NOXRED1: variants seen among roughly 807,000 people sequenced by gnomAD.
NOXRED1 encodes NADP-dependent oxidoreductase domain-containing protein 1.
Under a neutral mutation model 30.4 loss-of-function variants are expected in NOXRED1, and 20 were observed. The ratio of observed to expected loss-of-function variants is 0.66; its 90% CI spans 0.46 to 0.96. NOXRED1 has a LOEUF of 0.96. NOXRED1 is among the 40% of genes least tolerant of loss of function. NOXRED1 has a pLI of 0.00. For synonymous variants in NOXRED1, 155 were observed against 168.0 expected, an observed-to-expected ratio of 0.92 and a Z score of 0.60; for missense variants, 374 against 428.0, an observed-to-expected ratio of 0.87 and a Z score of 1.11.
chr14:77,411,191 G>T (rs1894638584), intron 2 of NOXRED1, among the ~76,000 whole-genome samples: 1 of 152,120 alleles, frequency 6.6e-6, no homozygotes, highest in African/African-American at 2.4e-5. Context: ...TATTTCAGCT[G>T]GGCATGGTGG....
At chr14:77,404,980 A>G (rs528830186) in intron 5 of NOXRED1, among the ~76,000 whole-genome samples, 2 of 152,338 alleles carry the variant, frequency 1.3e-5, no homozygotes, top group East Asian at 3.8e-4. Context: ...GTAAACAAGT[A>G]CCACATTTTT....
rs116308418 is a variant in NOXRED1 at position 77,414,689 on chromosome 14, C to T, written c.156-562G>A. On this transcript the variant is annotated intron_variant, in intron 1 of 5. Coordinates refer to ENST00000380835, the MANE Select transcript of NOXRED1 (RefSeq NM_001113475.3). ...CAAAATTTAAAATGTTTTAAATGAA[C>T]ATACTTTGTTACATGTATTATGCTT... 2.8e-3 allele frequency among the ~76,000 whole-genome samples: 427 copies of T among 152,216 alleles called. 3 individuals are homozygous for T. The highest frequency in any genetic ancestry group is 9.8e-3 in the African/African-American group (408 of 41,542).
At chr14:77,423,837 A>G (rs1594884969), upstream of NOXRED1, among the ~76,000 whole-genome samples, 1 of 152,356 alleles carries the variant, frequency 6.6e-6, no homozygotes, top group South Asian at 2.1e-4. Context: ...AAATTTTTTC[A>G]GGTGAAATCC....
In NOXRED1 at chr14:77,423,499, A is replaced by G. The variant is rs1364682797; in HGVS notation, c.-610T>C. On this transcript the variant is annotated 5_prime_UTR_variant, in exon 1 of 6. Transcript: ENST00000380835. ...ACAGAGAAGATTGGCTCTGCTCCTC[A>G]GTACTTCTGATCCTGGAAGGTAAGA... 1.3e-5 allele frequency: 2 copies of G among 151,748 alleles called. No homozygotes were observed. The highest frequency in any genetic ancestry group is 2.9e-5 in the Non-Finnish European group (2 of 68,002). The allele number at this position is 151,748 out of a possible 1,614,324, so 9.4% of individuals were successfully genotyped here. A position where few individuals can be genotyped will look rare whatever the true frequency, so the allele number is the denominator to read the frequency against.
chr14:77,422,687 A>G, intron 1 of NOXRED1, 48 bp downstream of exon 1: 1 of 1,568,366 alleles, frequency 6.4e-7, no homozygotes, highest in Non-Finnish European at 8.8e-7. Context: ...TTGAATTCTC[A>G]GCAGTGAGAT....
chr14:77,418,129 T>G (rs548706368), intron 1 of NOXRED1, among the ~76,000 whole-genome samples: 57 of 151,520 alleles, frequency 3.8e-4, no homozygotes, highest in African/African-American at 1.0e-3. Flanking sequence ...TAGTAATAGG[T>G]TTTTTTTTAG....
At chr14:77,425,586 T>C (rs763652207), upstream of NOXRED1, among the ~76,000 whole-genome samples, 12 of 152,238 alleles carry the variant, frequency 7.9e-5, no homozygotes, top group Non-Finnish European at 1.8e-4. Flanking sequence ...TGAGGTTACC[T>C]GGAATTGCAA....
intron 1 of NOXRED1, among the ~76,000 whole-genome samples, chr14:77,416,870 C>T (rs868484550): frequency 1.2e-3 from 183 of 150,142 alleles, no homozygotes; most frequent in African/African-American, 4.2e-3. Context: ...GGCGGCTGGC[C>T]GGGCAGAGGG....
At chr14:77,397,590 G>T (rs1277501513) in intron 5 of NOXRED1, among the ~76,000 whole-genome samples, 3 of 151,890 alleles carry the variant, frequency 2.0e-5, no homozygotes, top group Non-Finnish European at 4.4e-5. Flanking sequence ...TCAAAATAAA[G>T]AAAAAAATTA....
Position 77,406,891 on chromosome 14 carries a change from A to T in NOXRED1, c.531-16T>A. The T allele has an allele frequency of 1.2e-6, 2 of 1,609,778 alleles. No individual in the cohort carries two copies. Among genetic ancestry groups the T allele is most frequent in the Non-Finnish European group, 1.7e-6 (2 of 1,177,678 alleles). On this transcript the variant is annotated splice_polypyrimidine_tract_variant and intron_variant, in intron 3 of 5. Transcript: ENST00000380835. ...TAGTTTCAGCCTGGAAGTAAAGCCA[A>T]GACAGGGAGTGCAATGCCAGGACTG...
At chr14:77,416,810 G>T (rs1187439061) in intron 1 of NOXRED1, among the ~76,000 whole-genome samples, 1 of 151,182 alleles carries the variant, frequency 6.6e-6, no homozygotes. Context: ...CTCCCGGACA[G>T]GGCGGCTGGC....
At chr14:77,409,305 G>T (rs984542165) in intron 2 of NOXRED1, among the ~76,000 whole-genome samples, 5 of 152,102 alleles carry the variant, frequency 3.3e-5, no homozygotes, top group African/African-American at 4.8e-5. Flanking sequence ...GATCATGGGG[G>T]CAGTTTCCCC....
chr14:77,421,568 T>C (rs1894992346), intron 1 of NOXRED1, among the ~76,000 whole-genome samples: 1 of 152,214 alleles, frequency 6.6e-6, no homozygotes, highest in Non-Finnish European at 1.5e-5. Flanking sequence ...ACAGTGTTCA[T>C]TCAGGGTACA....
chr14:77,398,921 A>T (rs916694462), intron 5 of NOXRED1, among the ~76,000 whole-genome samples: 5 of 151,844 alleles, frequency 3.3e-5, no homozygotes, highest in Non-Finnish European at 5.9e-5. Flanking sequence ...GTGAGCCAAG[A>T]TCGCGCTATT....
Position 77,406,051 on chromosome 14 carries a change from G to A in NOXRED1, c.767C>T (p.Ser256Phe), listed in dbSNP as rs747113191. 2 of 1,613,846 alleles carry A rather than the reference G, an allele frequency of 1.2e-6. No individual in the cohort carries two copies. The highest frequency in any genetic ancestry group is 2.2e-5 in the South Asian group (2 of 91,070). ...NICTARNMAHSQVLQLLSELF... is the reference protein window; with the variant it reads ...NICTARNMAHFQVLQLLSELF... The stretch of plus-strand genomic sequence containing the variant: ...TTCACTCAGAAGCTGCAGCACTTGG[G>A]AGTGGGCCATGTTTCTTGCTGTGCA... Residue 256 changes from serine to phenylalanine, a missense_variant, in exon 5 of 6, where the codon TCC becomes TTC. Ser to Phe is a radical substitution (Grantham distance 155). Transcript: ENST00000380835.
intron 5 of NOXRED1, among the ~76,000 whole-genome samples, chr14:77,404,091 T>C (rs1236602066): frequency 6.6e-6 from 1 of 152,162 alleles, no homozygotes; most frequent in Non-Finnish European, 1.5e-5. Context: ...TAAAAACATC[T>C]CAAAGAGTCT....
At chr14:77,398,942 CT>C (rs1894253219) in intron 5 of NOXRED1, among the ~76,000 whole-genome samples, 1 of 151,952 alleles carries the variant, frequency 6.6e-6, no homozygotes, top group South Asian at 2.1e-4. Flanking sequence ...GCACTCCAGC[CT>C]GGGCAACAGG....
intron 2 of NOXRED1, 44 bp downstream of exon 2, chr14:77,413,890 C>A: frequency 7.0e-7 from 1 of 1,424,766 alleles, no homozygotes; most frequent in Non-Finnish European, 9.5e-7. Flanking sequence ...TTGACACCTA[C>A]ACAGCACAAC....
rs1894451127 is a variant in NOXRED1 at position 77,406,100 on chromosome 14, C to G, written c.718G>C (p.Val240Leu). 1.2e-6 allele frequency: 2 copies of G among 1,613,702 alleles called. No individual in the cohort carries two copies. The highest frequency in any genetic ancestry group is 4.5e-5 in the East Asian group (2 of 44,882). Residue 240 changes from valine (V) to leucine (L), a missense_variant, in exon 5 of 6, where the codon GTG (valine) becomes CTG (leucine). Transcript: ENST00000380835. Reference protein sequence around the residue: ...IILNIKWLEGVFYAALNICTA... With the variant: ...IILNIKWLEGLFYAALNICTA... ...CATATGTTTAGGGCCGCATAGAACA[C>G]TCCCTCCAACCACTTGATATTGAGG...
Sources: allele counts gnomAD v4.1 joint callset (sites outside exome capture counted in the v4.1 genomes callset), GRCh38; gene constraint gnomAD v4.1.1; transcripts MANE v1.5; gene names NCBI Gene and HGNC (gene_info 2026-07-23, HGNC 2026-07-21).